The following ITSN2 variants were observed in gnomAD, a reference collection of about 807,000 sequenced individuals.
ITSN2 encodes intersectin 2.
Under a neutral mutation model 243.7 loss-of-function variants are expected in ITSN2, and 156 were observed. The observed-to-expected ratio is 0.64, with a 90% CI of 0.56 to 0.73. The LOEUF (loss-of-function observed/expected upper bound fraction) is 0.73, where lower values mean the gene tolerates loss of function less well. ITSN2 is among the 30% of genes least tolerant of loss of function. The probability of loss-of-function intolerance (pLI) is 0.00; values close to 1 mark genes in which losing one functional copy is unlikely to be tolerated. For missense variants in ITSN2, 1,801 were observed against 1,996.1 expected, an observed-to-expected ratio of 0.90 and a Z score of 1.86; for synonymous variants, 703 against 699.9, an observed-to-expected ratio of 1.00 and a Z score of -0.07.
chr2:24,361,336 G>T (rs1325510976), upstream of ITSN2, among the ~76,000 whole-genome samples: 1 of 152,034 alleles, frequency 6.6e-6, no homozygotes, highest in Non-Finnish European at 1.5e-5. Flanking sequence ...AACTCAAGCC[G>T]CCACCGTATC....
chr2:24,273,275 ATCATG>A (rs1677603092), intron 18 of ITSN2, among the ~76,000 whole-genome samples: 1 of 152,088 alleles, frequency 6.6e-6, no homozygotes. Context: ...TTCATCCTCT[ATCATG>A]TCATAGAATG....
chr2:24,306,891 C>T (rs1183800143), intron 8 of ITSN2, among the ~76,000 whole-genome samples: 4 of 152,068 alleles, frequency 2.6e-5, no homozygotes, highest in Non-Finnish European at 4.4e-5. Context: ...CTGCAACCTC[C>T]GCCTCCTAGG....
Position 24,202,975 on chromosome 2 carries a change from T to C in ITSN2, c.*651A>G, listed in dbSNP as rs2151063216. The C allele has an allele frequency of 6.5e-6, 1 of 152,758 alleles. No homozygotes were observed. The highest frequency in any genetic ancestry group is 2.4e-5 in the African/African-American group (1 of 41,578). 9.5% of individuals were successfully genotyped at this position (152,758 alleles called of 1,614,324 possible). On this transcript the variant is annotated 3_prime_UTR_variant, in exon 40 of 40. Transcript: ENST00000355123. ...AAAAACAATGAATTTACATAAATAA[T>C]TTATACTTCAGAAAATTAAAGTTGA...
chr2:24,225,800 A>C lies in ITSN2; in HGVS notation c.3578-4734T>G, dbSNP rs1670975241. Among the ~76,000 whole-genome samples, 2 of 152,190 alleles carry C rather than the reference A, an allele frequency of 1.3e-5. No homozygotes were observed. Among genetic ancestry groups the C allele is most frequent in the Non-Finnish European group, 2.9e-5 (2 of 68,020 alleles). ...AAAATTTGATGAGCTCAGGGTTCCC[A>C]ACACGTATTTGACCACAGAATCCTC... On this transcript the variant is annotated intron_variant, in intron 29 of 39. Transcript: ENST00000355123. The surrounding 1 kb of genome is among the most constrained non-coding windows in gnomAD (Gnocchi z 4.2).
chr2:24,207,970 T>G, intron 37 of ITSN2, among the ~76,000 whole-genome samples: 1 of 148,484 alleles, frequency 6.7e-6, no homozygotes, highest in African/African-American at 2.5e-5. Flanking sequence ...GAGAAAGGAG[T>G]GGAGAAGGTG....
chr2:24,290,458 A>C (rs2151590288), intron 15 of ITSN2, among the ~76,000 whole-genome samples: 1 of 152,232 alleles, frequency 6.6e-6, no homozygotes. Context: ...TTTAGTGTTT[A>C]TGCTGTCTTT....
chr2:24,246,098 G>A, intron 29 of ITSN2, 31 bp downstream of exon 29: 3 of 1,494,458 alleles, frequency 2.0e-6, no homozygotes, highest in Non-Finnish European at 1.8e-6. Flanking sequence ...TTTCACACTA[G>A]GTGAGAGAAA....
intron 1 of ITSN2, among the ~76,000 whole-genome samples, chr2:24,344,764 C>T (rs958811000): frequency 1.3e-5 from 2 of 152,082 alleles, no homozygotes; most frequent in Non-Finnish European, 2.9e-5. Flanking sequence ...CCAGCCTGTC[C>T]AACATGGTAA....
rs570094571 is a variant in ITSN2, at chr2:24,282,917, G to A, written c.1944+1846C>T. On this transcript the variant is annotated intron_variant, in intron 17 of 39. Transcript: ENST00000355123. Reference sequence around the variant, plus strand: ...TTCCATCTTAATCTGCTTCTTCAGGGACTTTGCTCCATCAATTACCACAAT... The same window carrying A: ...TTCCATCTTAATCTGCTTCTTCAGGAACTTTGCTCCATCAATTACCACAAT... Among the ~76,000 whole-genome samples the A allele has an allele frequency of 4.6e-5, 7 of 150,804 alleles. No homozygotes were observed. The East Asian group carries it at 1.4e-3, about 29-fold the overall frequency.
intron 1 of ITSN2, among the ~76,000 whole-genome samples, chr2:24,356,284 T>C (rs1688437031): frequency 6.7e-6 from 1 of 148,452 alleles, no homozygotes; most frequent in Non-Finnish European, 1.5e-5. Context: ...AGGCAGAGAT[T>C]GTGGTGAGCC....
chr2:24,345,719 A>G (rs2151921736), intron 1 of ITSN2, among the ~76,000 whole-genome samples: 1 of 152,314 alleles, frequency 6.6e-6, no homozygotes, highest in East Asian at 1.9e-4. Flanking sequence ...TATGCATTAC[A>G]ATAATAGATA....
chr2:24,355,397 G>A (rs1310412363), intron 1 of ITSN2, among the ~76,000 whole-genome samples: 1 of 152,170 alleles, frequency 6.6e-6, no homozygotes, highest in African/African-American at 2.4e-5. Context: ...ATAAGCCAAT[G>A]GAGCAGAACA....
chr2:24,274,118 T>C (rs1677718535), intron 18 of ITSN2, among the ~76,000 whole-genome samples: 1 of 152,242 alleles, frequency 6.6e-6, no homozygotes, highest in Non-Finnish European at 1.5e-5. Flanking sequence ...TAGAAAGTTC[T>C]GACATAAGGA....
At chr2:24,270,646 A>AT (rs759979064) in intron 20 of ITSN2, 25 bp downstream of exon 20, 1 of 1,165,506 alleles carries the variant, frequency 8.6e-7, no homozygotes, top group East Asian at 2.3e-5. Context: ...GTTATTCATG[A>AT]TTAAAAAAAA....
intron 29 of ITSN2, chr2:24,239,004 A>G (rs891110343): frequency 6.6e-6 from 1 of 152,414 alleles, no homozygotes; most frequent in Admixed American, 6.5e-5. Flanking sequence ...AAAACAGATT[A>G]TCTCATGCCA....
chr2:24,332,455 G>A (rs767487669), intron 1 of ITSN2, among the ~76,000 whole-genome samples: 29 of 152,040 alleles, frequency 1.9e-4, no homozygotes, highest in Non-Finnish European at 4.0e-4. Context: ...AATATTACTG[G>A]CAATAAGGGC....
chr2:24,358,211 T>C (rs981725040), intron 1 of ITSN2, among the ~76,000 whole-genome samples: 9 of 152,320 alleles, frequency 5.9e-5, no homozygotes, highest in African/African-American at 9.6e-5. Context: ...ACCCGGCACA[T>C]AGATAACTCT....
chr2:24,289,113 T>G (rs1679915243), intron 15 of ITSN2, among the ~76,000 whole-genome samples: 4 of 152,234 alleles, frequency 2.6e-5, no homozygotes, highest in Admixed American at 2.0e-4. Context: ...TCTTCTGTGA[T>G]TCCATATACG....
chr2:24,264,374 G>A (rs185108986), intron 20 of ITSN2, among the ~76,000 whole-genome samples: 2,110 of 149,578 alleles, frequency 0.014, 24 homozygotes, highest in Non-Finnish European at 0.022. Context: ...GGCAACAAGA[G>A]CGAAACTCTG....
Sources: gnomAD v4.1 joint callset for allele counts (sites outside exome capture counted in the v4.1 genomes callset) on GRCh38, gnomAD v4.1.1 for gene constraint, Gnocchi (gnomAD v3.1) non-coding constraint, MANE v1.5 for transcripts, NCBI Gene and HGNC (gene_info 2026-07-23, HGNC 2026-07-21) for gene names.